CHRNA7: variants seen among roughly 807,000 people sequenced by gnomAD.
CHRNA7 encodes neuronal acetylcholine receptor subunit alpha-7.
CHRNA7 carries 17 observed loss-of-function variants against 48.0 expected under a neutral mutation model. That is an observed-to-expected ratio of 0.35 (90% CI 0.24 to 0.53). CHRNA7 has a LOEUF of 0.53. Among genes scored for constraint, CHRNA7 ranks in the 20% least tolerant of loss-of-function variants. The probability of loss-of-function intolerance (pLI) is 0.92; values close to 1 mark genes in which losing one functional copy is unlikely to be tolerated. For synonymous variants in CHRNA7, 75 were observed against 242.3 expected, an observed-to-expected ratio of 0.31 and a Z score of 6.41; for missense variants, 155 against 577.7, an observed-to-expected ratio of 0.27 and a Z score of 7.50.
intron 2 of CHRNA7, among the ~76,000 whole-genome samples, chr15:32,072,509 A>G (rs760444910): frequency 2.0e-5 from 3 of 152,234 alleles, no homozygotes; most frequent in East Asian, 3.8e-4. Context: ...TTGCATGACT[A>G]AAAGGGAGGC....
intron 2 of CHRNA7, among the ~76,000 whole-genome samples, chr15:32,043,584 T>C (rs928858882): frequency 6.6e-6 from 1 of 152,190 alleles, no homozygotes; most frequent in Non-Finnish European, 1.5e-5. Flanking sequence ...CTAAGTAAAG[T>C]CTAGTGAAAG....
At chr15:32,035,401 A>G (rs1026420855) in intron 2 of CHRNA7, among the ~76,000 whole-genome samples, 2 of 152,348 alleles carry the variant, frequency 1.3e-5, no homozygotes, top group East Asian at 3.9e-4. Flanking sequence ...CCAACATGTA[A>G]TTATATACAA....
rs571302967 is a variant in CHRNA7, at chr15:32,093,392, C to T, written c.196-7911C>T. On this transcript the variant is annotated intron_variant, in intron 2 of 9. Transcript: ENST00000306901. ...TTGCAGTGAAAAGTGCATGCTTGAA[C>T]TCTTCCTCCCTCCCTGAGAAGGATG... Among the ~76,000 whole-genome samples, 13 of 152,338 alleles carry T rather than the reference C, an allele frequency of 8.5e-5. 1 individual carries two copies. In the Middle Eastern group the frequency reaches 0.014, roughly 159 times the overall value.
At chr15:32,153,283 G>A (rs1226639190) in intron 4 of CHRNA7, 1 of 151,664 alleles carries the variant, frequency 6.6e-6, no homozygotes, top group African/African-American at 2.4e-5. Context: ...TTAACCAGGT[G>A]TGGTGGTGTG....
chr15:32,086,402 T>C (rs2050298889), intron 2 of CHRNA7, among the ~76,000 whole-genome samples: 7 of 151,930 alleles, frequency 4.6e-5, no homozygotes. Context: ...ATAAACACTT[T>C]TATTTTTCAA....
At chr15:32,107,043 T>C (rs946551782) in intron 3 of CHRNA7, among the ~76,000 whole-genome samples, 2 of 152,076 alleles carry the variant, frequency 1.3e-5, no homozygotes, top group Admixed American at 1.3e-4. Context: ...GAAGAAAGCG[T>C]CAGGGTCAGT....
At chr15:32,080,930 C>T (rs1019482997) in intron 2 of CHRNA7, among the ~76,000 whole-genome samples, 4 of 152,106 alleles carry the variant, frequency 2.6e-5, no homozygotes, top group South Asian at 2.1e-4. Flanking sequence ...AAATGTGGTA[C>T]ATATACACCA....
intron 3 of CHRNA7, chr15:32,102,082 T>G (rs896192325): frequency 2.0e-5 from 3 of 151,428 alleles, no homozygotes; most frequent in Admixed American, 6.6e-5. Context: ...ATACGGAATT[T>G]TATCCTAATG....
At chr15:32,151,452 C>G (rs1160127229) in intron 4 of CHRNA7, among the ~76,000 whole-genome samples, 1 of 151,636 alleles carries the variant, frequency 6.6e-6, no homozygotes, top group Non-Finnish European at 1.5e-5. Flanking sequence ...TTCTTGAAAA[C>G]CCCTTTTTTT....
In CHRNA7 at chr15:32,030,908, A is replaced by G; in HGVS notation, c.66A>G (p.Gln22=). 2 of 1,614,066 alleles carry G rather than the reference A, an allele frequency of 1.2e-6. No homozygotes were observed. The highest frequency in any genetic ancestry group is 1.1e-5 in the South Asian group (1 of 91,080). Residue 22 remains glutamine, a synonymous_variant, in exon 2 of 10, where the codon CAA becomes CAG. Coordinates refer to ENST00000306901, the MANE Select transcript of CHRNA7 (RefSeq NM_000746.6). ...TCTTCTCTCCTTAAGTGTCCCTGCA[A>G]GGCGAGTTCCAGAGGAAGCTTTACA... ...LAASLLHVSL[Q]GEFQRKLYKE...
Position 32,147,294 on chromosome 15 carries a change from C to T in CHRNA7, c.351-6613C>T, listed in dbSNP as rs2051509459. Among the ~76,000 whole-genome samples the T allele has an allele frequency of 2.0e-5, 3 of 152,244 alleles. No individual in the cohort carries two copies. The South Asian group carries it at 6.2e-4, about 31-fold the overall frequency. On this transcript the variant is annotated intron_variant, in intron 4 of 9. Transcript: ENST00000306901. ...CAGGATTGAAAAACTACTGGATACT[C>T]TGCTCACTGCCTGGGTGATGGAATC... is the stretch of plus-strand genomic sequence containing the variant.
chr15:32,110,035 C>G (rs921108151), intron 3 of CHRNA7, among the ~76,000 whole-genome samples: 1 of 152,220 alleles, frequency 6.6e-6, no homozygotes, highest in African/African-American at 2.4e-5. Context: ...ACCATGCCCA[C>G]TTTCCAGGGC....
At chr15:32,105,616 G>A (rs1289144514) in intron 3 of CHRNA7, among the ~76,000 whole-genome samples, 1 of 152,240 alleles carries the variant, frequency 6.6e-6, no homozygotes, top group East Asian at 1.9e-4. Flanking sequence ...GAGGCCAGAC[G>A]TGGGAGAAAT....
In CHRNA7 at chr15:32,060,370, G is replaced by A. The variant is rs187571761; in HGVS notation, c.195+29333G>A. On this transcript the variant is annotated intron_variant, in intron 2 of 9. Coordinates refer to ENST00000306901, the MANE Select transcript of CHRNA7 (RefSeq NM_000746.6). ...TGTGTGTGCACGCGCACACACGCAC[G>A]CATATGGACTGATTTATGAAGGCAT... 2.5e-4 allele frequency among the ~76,000 whole-genome samples: 38 copies of A among 152,172 alleles called. 2 individuals carry two copies. In the East Asian group the frequency reaches 5.0e-3, roughly 20 times the overall value.
intron 2 of CHRNA7, among the ~76,000 whole-genome samples, chr15:32,088,535 T>A (rs189627396): frequency 7.7e-4 from 118 of 152,298 alleles, no homozygotes; most frequent in African/African-American, 2.8e-3. Flanking sequence ...TGGTACCATT[T>A]TGCATTCTTA....
At chr15:32,112,114 G>A in intron 4 of CHRNA7, 1 of 631,046 alleles carries the variant, frequency 1.6e-6, no homozygotes, top group South Asian at 1.8e-5. Flanking sequence ...TGCACACGCT[G>A]GCTAGCCTGC....
intron 3 of CHRNA7, among the ~76,000 whole-genome samples, chr15:32,105,144 A>G (rs1419803434): frequency 6.6e-6 from 1 of 152,192 alleles, no homozygotes; most frequent in Admixed American, 6.5e-5. Flanking sequence ...TAAGGCTTAC[A>G]TTTGCAGAAG....
rs181132558 is a variant in CHRNA7 at position 32,084,792 on chromosome 15, G to A, written c.196-16511G>A. ...GAGGACAGGCTGGCGCTGCCTGCACGGCCTGCACTCATACCTATGCTCATC... is the reference window on the plus strand; with the variant it reads ...GAGGACAGGCTGGCGCTGCCTGCACAGCCTGCACTCATACCTATGCTCATC... On this transcript the variant is annotated intron_variant, in intron 2 of 9. Transcript: ENST00000306901. 8.2e-4 allele frequency among the ~76,000 whole-genome samples: 124 copies of A among 151,086 alleles called. 1 individual carries two copies. In the East Asian group the frequency reaches 0.019, roughly 23 times the overall value.
At chr15:32,068,722 C>T (rs2050005262) in intron 2 of CHRNA7, among the ~76,000 whole-genome samples, 2 of 145,514 alleles carry the variant, frequency 1.4e-5, no homozygotes, top group South Asian at 4.3e-4. Flanking sequence ...GACTCCATCT[C>T]GGGGAAAAAA....
Sources: allele counts gnomAD v4.1 joint callset (sites outside exome capture counted in the v4.1 genomes callset), GRCh38; gene constraint gnomAD v4.1.1; transcripts MANE v1.5; gene names NCBI Gene and HGNC (gene_info 2026-07-23, HGNC 2026-07-21).